TENM2: variants seen among roughly 807,000 people sequenced by gnomAD.
The protein encoded by TENM2 is teneurin transmembrane protein 2, also known as teneurin-2.
In TENM2, 52 loss-of-function variants were observed where a neutral mutation model predicts 245.2. That is an observed-to-expected ratio of 0.21 (90% CI 0.17 to 0.27). TENM2 has a LOEUF of 0.27. TENM2 is among the 10% of genes least tolerant of loss of function. The probability of loss-of-function intolerance (pLI) is 1.00; values close to 1 mark genes in which losing one functional copy is unlikely to be tolerated. For missense variants in TENM2, 3,046 were observed against 3,666.8 expected (o/e 0.83, Z 4.37); for synonymous variants, 1,363 against 1,438.9 (o/e 0.95, Z 1.19).
chr5:168,262,606 C>T, exon 29 of TENM2: 2 of 1,586,024 alleles, frequency 1.3e-6, no homozygotes, highest in Non-Finnish European at 1.7e-6. Flanking sequence ...TGGGCACGGC[C>T]TGGGCCAAGG....
the TENM2 span, among the ~76,000 whole-genome samples, chr5:167,040,568 G>A: frequency 6.6e-6 from 1 of 151,984 alleles, no homozygotes; most frequent in East Asian, 2.0e-4. Flanking sequence ...TTGAGACCTT[G>A]AATACCTATT....
At chr5:167,469,663 TTTTA>T (rs1766889640) in intron 2 of TENM2, among the ~76,000 whole-genome samples, 1 of 152,168 alleles carries the variant, frequency 6.6e-6, no homozygotes, top group South Asian at 2.1e-4. Flanking sequence ...CAATTTAGGA[TTTTA>T]TTTAATTCTT....
chr5:167,475,416 A>G (rs1767307015), intron 2 of TENM2, among the ~76,000 whole-genome samples: 1 of 152,222 alleles, frequency 6.6e-6, no homozygotes, highest in East Asian at 1.9e-4. Flanking sequence ...TAAAATAGCA[A>G]TAAACCCATT....
rs1229226521 is a variant in TENM2, at chr5:167,926,432, C to A, written c.713-26156C>A. 2.6e-5 allele frequency among the ~76,000 whole-genome samples: 4 copies of A among 151,978 alleles called. No homozygotes were observed. The South Asian group carries it at 6.2e-4, about 24-fold the overall frequency. On this transcript the variant is annotated intron_variant, in intron 3 of 28. Coordinates refer to ENST00000518659, the Ensembl canonical transcript of TENM2. Reference sequence around the variant, plus strand: ...GCTACAAAAGAGCAACAAGAAAGACCTTCTTAGCCAGGCAAGGTGGCTCAT... The same window carrying A: ...GCTACAAAAGAGCAACAAGAAAGACATTCTTAGCCAGGCAAGGTGGCTCAT...
At chr5:167,521,567 AAC>A (rs1770757820) in intron 2 of TENM2, among the ~76,000 whole-genome samples, 1 of 152,202 alleles carries the variant, frequency 6.6e-6, no homozygotes, top group African/African-American at 2.4e-5. Flanking sequence ...GGCATAGCCA[AAC>A]ACATTGCCAT....
intron 2 of TENM2, among the ~76,000 whole-genome samples, chr5:167,413,269 T>C (rs1461393436): frequency 3.3e-5 from 5 of 152,130 alleles, no homozygotes; most frequent in African/African-American, 4.8e-5. Context: ...GTAATGTTAG[T>C]ATATCTCTGA....
chr5:168,045,148 C>T (rs768310922), intron 5 of TENM2, among the ~76,000 whole-genome samples: 2 of 152,162 alleles, frequency 1.3e-5, no homozygotes, highest in Non-Finnish European at 2.9e-5. Context: ...TCTCCACCTC[C>T]ATCTCACTTT....
intron 25 of TENM2, among the ~76,000 whole-genome samples, chr5:168,230,392 C>G (rs187136767): frequency 6.6e-6 from 1 of 152,130 alleles, no homozygotes; most frequent in Non-Finnish European, 1.5e-5. Context: ...TAATTCAGTT[C>G]GTAAACTGTT....
the TENM2 span, among the ~76,000 whole-genome samples, chr5:167,039,508 C>T: frequency 2.6e-5 from 4 of 152,110 alleles, no homozygotes; most frequent in Non-Finnish European, 5.9e-5. Context: ...CCAGTGGTAA[C>T]ATATTTGTTC....
At chr5:168,254,040 C>G (rs1384385225) in intron 27 of TENM2, among the ~76,000 whole-genome samples, 1 of 152,196 alleles carries the variant, frequency 6.6e-6, no homozygotes, top group African/African-American at 2.4e-5. Context: ...TTTAATTTAC[C>G]TAAGTGAGGA....
At chr5:168,131,338 C>G (rs1754559502) in intron 12 of TENM2, among the ~76,000 whole-genome samples, 1 of 152,158 alleles carries the variant, frequency 6.6e-6, no homozygotes, top group South Asian at 2.1e-4. Context: ...TCCTAACCTC[C>G]GATTTCATCT....
In TENM2 at chr5:167,701,062, T is replaced by C. The variant is rs1313313581; in HGVS notation, c.503-174924T>C. Among the ~76,000 whole-genome samples, 4 of 149,796 alleles carry C rather than the reference T, an allele frequency of 2.7e-5. No individual in the cohort carries two copies. The East Asian group carries it at 8.1e-4, about 30-fold the overall frequency. On this transcript the variant is annotated intron_variant, in intron 2 of 28. Coordinates refer to ENST00000518659, the Ensembl canonical transcript of TENM2. ...ACAGCAGGAATTATTCAGGTAAAAA[T>C]ATTTATGTTAATATGCTACAACTGC...
chr5:168,140,473 A>G (rs769699673), intron 12 of TENM2, among the ~76,000 whole-genome samples: 1 of 152,044 alleles, frequency 6.6e-6, no homozygotes, highest in Non-Finnish European at 1.5e-5. Flanking sequence ...CCCAAATCTC[A>G]ACAACAAATA....
chr5:167,817,136 G>A (rs545202437), intron 2 of TENM2, among the ~76,000 whole-genome samples: 18 of 152,326 alleles, frequency 1.2e-4, no homozygotes, highest in African/African-American at 3.4e-4. Flanking sequence ...GGAAGCAAAC[G>A]ATAGAGTTGT....
chr5:167,161,388 T>C, the TENM2 span, among the ~76,000 whole-genome samples: 2 of 152,302 alleles, frequency 1.3e-5, no homozygotes, highest in East Asian at 3.9e-4. Context: ...CTTTTAAAAG[T>C]TTTATGCTTT....
At chr5:167,980,960 G>T (rs1324458456) in intron 4 of TENM2, among the ~76,000 whole-genome samples, 2 of 152,176 alleles carry the variant, frequency 1.3e-5, no homozygotes, top group East Asian at 1.9e-4. Flanking sequence ...CCAGTTGCTG[G>T]TAATGTTGGC....
intron 5 of TENM2, among the ~76,000 whole-genome samples, chr5:168,036,656 A>G (rs1787701877): frequency 7.6e-6 from 1 of 130,946 alleles, no homozygotes; most frequent in Admixed American, 8.2e-5. Context: ...ATATATATAT[A>G]TATATATAAT....
intron 13 of TENM2, 29 bp downstream of exon 15, chr5:168,162,786 C>G: frequency 6.2e-7 from 1 of 1,610,758 alleles, no homozygotes; most frequent in East Asian, 2.2e-5. Flanking sequence ...ATTCCCAGCC[C>G]CTAAGAGCAG....
intron 2 of TENM2, among the ~76,000 whole-genome samples, chr5:167,384,714 G>GCACA (rs1331679814): frequency 4.6e-5 from 5 of 108,682 alleles, no homozygotes; most frequent in South Asian, 2.9e-4. Flanking sequence ...GCGCACACAC[G>GCACA]CACACACACA....
Sources: gnomAD v4.1 joint callset for allele counts (sites outside exome capture counted in the v4.1 genomes callset) on GRCh38, gnomAD v4.1.1 for gene constraint, MANE v1.5 for transcripts, NCBI Gene and HGNC (gene_info 2026-07-23, HGNC 2026-07-21) for gene names.